CD46: variants seen among roughly 807,000 people sequenced by gnomAD.
CD46 encodes the protein CD46 molecule, also known as membrane cofactor protein.
Under a neutral mutation model 53.3 loss-of-function variants are expected in CD46, and 30 were observed. The ratio of observed to expected loss-of-function variants is 0.56; its 90% CI spans 0.42 to 0.76. CD46 has a LOEUF of 0.76. Among genes scored for constraint, CD46 ranks in the 30% least tolerant of loss-of-function variants. The pLI is 0.00. For missense variants in CD46, 409 were observed against 463.0 expected, an observed-to-expected ratio of 0.88 and a Z score of 1.07; for synonymous variants, 142 against 152.0, an observed-to-expected ratio of 0.93 and a Z score of 0.48.
intron 8 of CD46, 100 bp from the exon 9 acceptor site, chr1:207,783,192 G>T: frequency 1.6e-6 from 1 of 615,814 alleles, no homozygotes; most frequent in Non-Finnish European, 2.9e-6. Context: ...TTCTACAAAG[G>T]TGAAAAAAAA....
At chr1:207,756,587 G>C (rs1655570818) in intron 1 of CD46, among the ~76,000 whole-genome samples, 1 of 152,184 alleles carries the variant, frequency 6.6e-6, no homozygotes, top group Non-Finnish European at 1.5e-5. Context: ...TTTAAGAGAA[G>C]ACACCCTGAA....
intron 8 of CD46, among the ~76,000 whole-genome samples, chr1:207,777,401 C>T (rs12138764): frequency 0.084 from 12,826 of 152,086 alleles, 724 homozygotes; most frequent in East Asian, 0.28. Flanking sequence ...AAACGTGTCA[C>T]AGGGATTTGT....
At chr1:207,754,319 G>C (rs1655265635) in intron 1 of CD46, among the ~76,000 whole-genome samples, 1 of 151,994 alleles carries the variant, frequency 6.6e-6, no homozygotes, top group Admixed American at 6.6e-5. Context: ...AAACAGTCTC[G>C]CTCTTCTGCA....
intron 3 of CD46, 84 bp from the exon 4 acceptor site, chr1:207,759,555 G>C (rs1655952578): frequency 2.6e-6 from 2 of 765,236 alleles, no homozygotes; most frequent in African/African-American, 3.5e-5. Flanking sequence ...GTGTAGAAAA[G>C]AAACCATATA....
chr1:207,773,188 A>C (rs1657707959), intron 8 of CD46, among the ~76,000 whole-genome samples: 1 of 152,100 alleles, frequency 6.6e-6, no homozygotes, highest in African/African-American at 2.4e-5. Flanking sequence ...ATTTGTGTAG[A>C]GGTGTTTATA....
chr1:207,761,689 A>C (rs1267157667), intron 5 of CD46, among the ~76,000 whole-genome samples: 1 of 150,076 alleles, frequency 6.7e-6, no homozygotes, highest in East Asian at 2.0e-4. Flanking sequence ...GTGTACCTGC[A>C]TGAGTTAGAA....
Position 207,767,787 on chromosome 1 carries a change from TCTTCC to T in CD46, c.866_870del (p.Ser289TyrfsTer13). 6.2e-7 allele frequency: 1 copy of T among 1,613,094 alleles called. No homozygotes were observed. Among genetic ancestry groups the T allele is most frequent in the East Asian group, 2.2e-5 (1 of 44,836 alleles). On this transcript the variant is annotated frameshift_variant, in exon 7 of 13. Coordinates refer to ENST00000367042, the MANE Select transcript of CD46 (RefSeq NM_172351.3). LOFTEE classifies it high-confidence loss of function. The stretch of plus-strand genomic sequence containing the variant: ...ATTATTTTGTTTTCCAGTGTCGACT[TCTTCC>T]ACTACAAAATCTCCAGCGTCCAGTG...
chr1:207,761,820 GTCTCACAAATAAAAATGATAAAC>G (rs2102564716), intron 5 of CD46, among the ~76,000 whole-genome samples: 1 of 151,798 alleles, frequency 6.6e-6, no homozygotes, highest in East Asian at 1.9e-4. Context: ...CAGACTAATC[GTCTCACAAATAAAAATGATAAAC>G]TCTGGATAAA....
intron 3 of CD46, among the ~76,000 whole-genome samples, chr1:207,758,011 T>C (rs925525145): frequency 6.6e-6 from 1 of 152,240 alleles, no homozygotes; most frequent in Non-Finnish European, 1.5e-5. Context: ...GATACACTTG[T>C]ATCCAGATGA....
At chr1:207,785,821 C>T in intron 11 of CD46, 139 bp downstream of exon 11, 1 of 663,260 alleles carries the variant, frequency 1.5e-6, no homozygotes, top group Non-Finnish European at 2.7e-6. Context: ...TTTGTCCTAC[C>T]AATTGCATTT....
chr1:207,758,476 G>A (rs1289815362), intron 3 of CD46, among the ~76,000 whole-genome samples: 1 of 152,090 alleles, frequency 6.6e-6, no homozygotes. Flanking sequence ...GTGCTCTTAT[G>A]GTAATGAATC....
At chr1:207,788,441 C>T (rs1017858783) in intron 11 of CD46, among the ~76,000 whole-genome samples, 2 of 151,854 alleles carry the variant, frequency 1.3e-5, no homozygotes, top group African/African-American at 4.8e-5. Context: ...ATGGCGTGAA[C>T]CCCGGAGGCG....
At chr1:207,755,538 C>T (rs756238095) in intron 1 of CD46, among the ~76,000 whole-genome samples, 1 of 152,222 alleles carries the variant, frequency 6.6e-6, no homozygotes, top group Non-Finnish European at 1.5e-5. Flanking sequence ...AAATTTCAGG[C>T]CAGTCTCATT....
chr1:207,754,856 C>CTT (rs5780400), intron 1 of CD46, among the ~76,000 whole-genome samples: 8,295 of 146,460 alleles, frequency 0.057, 263 homozygotes, highest in Middle Eastern at 0.14. Flanking sequence ...AACAAAAGGA[C>CTT]TTTTTTTTTT....
intron 5 of CD46, among the ~76,000 whole-genome samples, chr1:207,766,109 G>A (rs1656813787): frequency 6.6e-6 from 1 of 152,230 alleles, no homozygotes; most frequent in South Asian, 2.1e-4. Flanking sequence ...GATAAAAGCA[G>A]ATCAATGGTT....
intron 10 of CD46, 90 bp downstream of exon 10, chr1:207,785,196 T>A: frequency 9.4e-7 from 1 of 1,061,120 alleles, no homozygotes; most frequent in Non-Finnish European, 1.4e-6. Flanking sequence ...TCTATAGTTT[T>A]TTCAGCTTGT....
rs2102728162 is a variant in CD46, at chr1:207,794,104, C to T, written c.*627C>T. The T allele has an allele frequency of 6.5e-6, 1 of 153,626 alleles. No homozygotes were observed. Among genetic ancestry groups the T allele is most frequent in the Middle Eastern group, 3.4e-3 (1 of 294 alleles). 9.5% of individuals were successfully genotyped at this position (153,626 alleles called of 1,614,324 possible). ...GAACACTGAAAATTGGGAATATGCA[C>T]AAACTTGGCTTCTTTAACCAAGAAT... On this transcript the variant is annotated 3_prime_UTR_variant, in exon 13 of 13. Transcript: ENST00000367042.
chr1:207,791,541 G>A (rs1659800007), intron 12 of CD46, among the ~76,000 whole-genome samples: 1 of 152,298 alleles, frequency 6.6e-6, no homozygotes, highest in Non-Finnish European at 1.5e-5. Context: ...TTTATATCCC[G>A]GGAGGGATGG....
intron 1 of CD46, among the ~76,000 whole-genome samples, chr1:207,756,046 T>C (rs1241633159): frequency 6.6e-6 from 1 of 151,982 alleles, no homozygotes; most frequent in African/African-American, 2.4e-5. Context: ...CAGGGGAAGG[T>C]GACTGATCAC....
Sources: allele counts gnomAD v4.1 joint callset (sites outside exome capture counted in the v4.1 genomes callset), GRCh38; gene constraint gnomAD v4.1.1; transcripts MANE v1.5; gene names NCBI Gene and HGNC (gene_info 2026-07-23, HGNC 2026-07-21).